The following LRRC75A variants were observed in gnomAD, a reference collection of about 807,000 sequenced individuals.
LRRC75A encodes the protein leucine rich repeat containing 75A.
Under a neutral mutation model 26.0 loss-of-function variants are expected in LRRC75A, and 12 were observed. That is an observed-to-expected ratio of 0.46 (90% confidence interval 0.30 to 0.75). The LOEUF is 0.75. Among genes scored for constraint, LRRC75A ranks in the 30% least tolerant of loss-of-function variants. LRRC75A has a pLI of 0.08. For missense variants in LRRC75A, 410 were observed against 486.6 expected (o/e 0.84, Z 1.48); for synonymous variants, 223 against 219.3 (o/e 1.02, Z -0.15).
intron 1 of LRRC75A, among the ~76,000 whole-genome samples, chr17:16,465,360 T>C (rs1318478636): frequency 6.6e-6 from 1 of 152,170 alleles, no homozygotes; most frequent in Non-Finnish European, 1.5e-5. Flanking sequence ...TGGGATTCAT[T>C]TCCCTATCTG....
At chr17:16,465,840 G>T (rs778897281) in intron 1 of LRRC75A, among the ~76,000 whole-genome samples, 1 of 152,240 alleles carries the variant, frequency 6.6e-6, no homozygotes, top group Non-Finnish European at 1.5e-5. Context: ...TTGTTGCTTA[G>T]GAGGGGAAAA....
At chr17:16,481,930 G>A (rs927442584) in intron 1 of LRRC75A, among the ~76,000 whole-genome samples, 2 of 152,108 alleles carry the variant, frequency 1.3e-5, no homozygotes, top group African/African-American at 2.4e-5. Context: ...TCCATAGTCC[G>A]CATACGCAGA....
At chr17:16,452,483 G>C (rs1306615319) in intron 2 of LRRC75A, among the ~76,000 whole-genome samples, 1 of 151,674 alleles carries the variant, frequency 6.6e-6, no homozygotes, top group African/African-American at 2.4e-5. Flanking sequence ...TGTTGCCCAG[G>C]CTGGAGTGCA....
intron 2 of LRRC75A, among the ~76,000 whole-genome samples, chr17:16,456,394 G>C (rs984406417): frequency 6.8e-6 from 1 of 147,418 alleles, no homozygotes; most frequent in Non-Finnish European, 1.5e-5. Context: ...AGAGAAGAAG[G>C]AAAAGGAGGA....
chr17:16,464,056 A>AGCCAGGTCCCAC (rs2093749037), intron 1 of LRRC75A: 3 of 152,230 alleles, frequency 2.0e-5, no homozygotes. Context: ...TTGGAGCCCA[A>AGCCAGGTCCCAC]CTGCCAGCCA....
intron 1 of LRRC75A, among the ~76,000 whole-genome samples, chr17:16,482,921 G>A (rs2093837930): frequency 6.6e-6 from 1 of 152,256 alleles, no homozygotes; most frequent in Admixed American, 6.5e-5. Context: ...TGAAGGCAAA[G>A]GTCCTGAAGC....
At chr17:16,458,543 G>A (rs562612715) in intron 2 of LRRC75A, among the ~76,000 whole-genome samples, 58 of 151,556 alleles carry the variant, frequency 3.8e-4, no homozygotes, top group Non-Finnish European at 5.9e-4. Context: ...TCAGCTCACG[G>A]CAACCTCCGC....
At chr17:16,454,396 C>G (rs1017961535) in intron 2 of LRRC75A, among the ~76,000 whole-genome samples, 6 of 121,890 alleles carry the variant, frequency 4.9e-5, no homozygotes, top group African/African-American at 1.3e-4. Context: ...TGTCAAAAAA[C>G]AAACAAACAA....
At chr17:16,471,669 A>G (rs1414674307) in intron 1 of LRRC75A, among the ~76,000 whole-genome samples, 1 of 152,204 alleles carries the variant, frequency 6.6e-6, no homozygotes, top group Non-Finnish European at 1.5e-5. Flanking sequence ...AATGCTTCCT[A>G]TAGGATCCCC....
At chr17:16,483,210 T>C (rs2093838640) in intron 1 of LRRC75A, among the ~76,000 whole-genome samples, 1 of 152,186 alleles carries the variant, frequency 6.6e-6, no homozygotes, top group South Asian at 2.1e-4. Flanking sequence ...GATGAATGGT[T>C]TGTGGCACAC....
Position 16,460,422 on chromosome 17 carries a change from C to T in LRRC75A, c.375+1836G>A, listed in dbSNP as rs539035216. Among the ~76,000 whole-genome samples, 13 of 152,268 alleles carry T rather than the reference C, an allele frequency of 8.5e-5. No individual in the cohort carries two copies. The East Asian group carries it at 2.5e-3, about 29-fold the overall frequency. On this transcript the variant is annotated intron_variant, in intron 2 of 3. Coordinates refer to ENST00000470794, the MANE Select transcript of LRRC75A (RefSeq NM_001113567.3). ...TGCCTGGTCCTGTCTCACAGGGTCT[C>T]ACAGTGGCCCTTACCCACTCCCTGG... is the stretch of plus-strand genomic sequence containing the variant.
At chr17:16,474,821 G>A (rs1399786762) in intron 1 of LRRC75A, among the ~76,000 whole-genome samples, 2 of 151,592 alleles carry the variant, frequency 1.3e-5, no homozygotes, top group Non-Finnish European at 2.9e-5. Context: ...GTGAAACCCC[G>A]TCTCTATTGA....
intron 1 of LRRC75A, among the ~76,000 whole-genome samples, chr17:16,467,490 G>A (rs774851825): frequency 1.1e-3 from 160 of 152,306 alleles, no homozygotes; most frequent in Non-Finnish European, 2.2e-3. Context: ...GTGCAGTAGG[G>A]AAGTCACCCA....
chr17:16,444,061 G>A lies in LRRC75A; in HGVS notation c.562C>T (p.Arg188Ter). The A allele has an allele frequency of 1.9e-6, 3 of 1,613,050 alleles. No individual in the cohort carries two copies. The highest frequency in any genetic ancestry group is 2.5e-6 in the Non-Finnish European group (3 of 1,179,538). Residue 188 changes from arginine to a stop codon, truncating the protein, a stop_gained, in exon 4 of 4, where the codon CGA (arginine) becomes TGA (stop). Coordinates refer to ENST00000470794, the MANE Select transcript of LRRC75A (RefSeq NM_001113567.3). LOFTEE classifies it high-confidence loss of function. ...TAGCTGGTCACCCGCTCCAGGTCTC[G>A]GGAGGTCAGTGGGATTCCCGACAGG... ...VDLSGIPLTS[R>*]DLERVTSYLQ...
chr17:16,454,647 C>T (rs923753246), intron 2 of LRRC75A, among the ~76,000 whole-genome samples: 10 of 152,040 alleles, frequency 6.6e-5, no homozygotes, highest in African/African-American at 2.4e-4. Flanking sequence ...GCCGAGATCA[C>T]GCCACTGCAC....
At chr17:16,453,342 GCACACGCACA>G (rs1568956806) in intron 2 of LRRC75A, among the ~76,000 whole-genome samples, 2 of 129,000 alleles carry the variant, frequency 1.6e-5, no homozygotes, top group African/African-American at 5.4e-5. Context: ...ACGCACACAC[GCACACGCACA>G]CACACACACA....
rs2093537883 is a variant in LRRC75A at position 16,442,390 on chromosome 17, C to T, written c.*1198G>A. 6.6e-6 allele frequency: 1 copy of T among 152,318 alleles called. No individual in the cohort carries two copies. Among genetic ancestry groups the T allele is most frequent in the Non-Finnish European group, 1.5e-5 (1 of 68,100 alleles). 9.4% of individuals were successfully genotyped at this position (152,318 alleles called of 1,614,324 possible). ...GGTCCTCCCCCATACTGTTTGCCCA[C>T]AAGGTTCAAGAGTGATTGGCTCCCA... On this transcript the variant is annotated 3_prime_UTR_variant, in exon 4 of 4. Coordinates refer to ENST00000470794, the MANE Select transcript of LRRC75A (RefSeq NM_001113567.3).
At chr17:16,475,097 C>T (rs2093816668) in intron 1 of LRRC75A, among the ~76,000 whole-genome samples, 2 of 152,028 alleles carry the variant, frequency 1.3e-5, no homozygotes, top group African/African-American at 2.4e-5. Context: ...CCTTCTGGCT[C>T]CCTAACAACC....
intron 1 of LRRC75A, chr17:16,463,180 C>T (rs968554649): frequency 6.6e-6 from 1 of 152,080 alleles, no homozygotes; most frequent in African/African-American, 2.4e-5. Context: ...CTGAAGAATC[C>T]TGTGACCTTC....
Sources: gnomAD v4.1 joint callset for allele counts (sites outside exome capture counted in the v4.1 genomes callset) on GRCh38, gnomAD v4.1.1 for gene constraint, MANE v1.5 for transcripts, NCBI Gene and HGNC (gene_info 2026-07-23, HGNC 2026-07-21) for gene names.